Variants in PHF24 observed in about 807,000 individuals in gnomAD.
PHF24 encodes the protein PHD finger protein 24, also known as Galpha inhibitory interacting protein.
PHF24 carries 25 observed loss-of-function variants against 42.6 expected under a neutral mutation model. That is an observed-to-expected ratio of 0.59 (90% confidence interval 0.43 to 0.82). The LOEUF is 0.82. PHF24 is among the 40% of genes least tolerant of loss of function. The pLI, the probability that PHF24 is intolerant of heterozygous loss-of-function variation, is 0.00. For synonymous variants in PHF24, 185 were observed against 204.8 expected (o/e 0.90, Z 0.83); for missense variants, 470 against 538.1 (o/e 0.87, Z 1.25).
the PHF24 span, among the ~76,000 whole-genome samples, chr9:34,754,408 C>G: frequency 2.0e-5 from 3 of 152,040 alleles, no homozygotes; most frequent in African/African-American, 7.2e-5. Flanking sequence ...CAATGGCAAA[C>G]AGGTCTAAGA....
chr9:34,722,562 A>T, the PHF24 span, among the ~76,000 whole-genome samples: 1 of 152,210 alleles, frequency 6.6e-6, no homozygotes, highest in South Asian at 2.1e-4. Context: ...GGCCTGTGTC[A>T]TGTTCATTGA....
the PHF24 span, among the ~76,000 whole-genome samples, chr9:34,696,879 A>G: frequency 6.6e-6 from 1 of 152,148 alleles, no homozygotes; most frequent in Non-Finnish European, 1.5e-5. Flanking sequence ...ACCCACCCTG[A>G]CCAGCCCTCA....
At chr9:34,743,250 T>C in the PHF24 span, among the ~76,000 whole-genome samples, 13 of 152,236 alleles carry the variant, frequency 8.5e-5, no homozygotes, top group African/African-American at 2.4e-4. Context: ...CTACCTGATA[T>C]GTGGTGTTAC....
At chr9:34,791,528 T>G in the PHF24 span, among the ~76,000 whole-genome samples, 26 of 150,384 alleles carry the variant, frequency 1.7e-4, no homozygotes, top group Non-Finnish European at 2.8e-4. Flanking sequence ...CAGAATATAA[T>G]AGTATTGAAA....
chr9:34,833,366 G>T, the PHF24 span: 22 of 1,550,808 alleles, frequency 1.4e-5, no homozygotes, highest in Middle Eastern at 1.7e-4. Flanking sequence ...TTTGGAATTG[G>T]ATTGCTTTTG....
the PHF24 span, among the ~76,000 whole-genome samples, chr9:34,879,102 G>T: frequency 1.3e-5 from 2 of 152,202 alleles, no homozygotes; most frequent in African/African-American, 4.8e-5. Context: ...ACAGGGTCTG[G>T]AGTGGACCTC....
chr9:34,921,513 C>T, the PHF24 span, among the ~76,000 whole-genome samples: 3 of 152,164 alleles, frequency 2.0e-5, no homozygotes, highest in African/African-American at 7.2e-5. Flanking sequence ...TTGCCTAAGA[C>T]ATTTAAATAC....
the PHF24 span, among the ~76,000 whole-genome samples, chr9:34,760,101 G>A: frequency 1.3e-5 from 2 of 152,158 alleles, no homozygotes; most frequent in African/African-American, 4.8e-5. Context: ...AGCAAACGAC[G>A]GGGATGAAGT....
At chr9:34,797,825 G>A in the PHF24 span, among the ~76,000 whole-genome samples, 6 of 152,022 alleles carry the variant, frequency 3.9e-5, no homozygotes, top group Non-Finnish European at 8.8e-5. Flanking sequence ...CTTCACTTAG[G>A]TCCGTGGGGG....
chr9:34,738,538 G>T, the PHF24 span, among the ~76,000 whole-genome samples: 4 of 151,768 alleles, frequency 2.6e-5, no homozygotes, highest in African/African-American at 4.8e-5. Context: ...AGTAGAGATG[G>T]GGTTTCACTG....
the PHF24 span, among the ~76,000 whole-genome samples, chr9:34,855,677 C>T: frequency 1.3e-5 from 2 of 152,142 alleles, no homozygotes; most frequent in Non-Finnish European, 2.9e-5. Flanking sequence ...TTGTAGATGA[C>T]CTGGCCTTTC....
chr9:34,917,999 G>T, the PHF24 span: 1 of 1,350,182 alleles, frequency 7.4e-7, no homozygotes, highest in South Asian at 1.2e-5. Context: ...AGGCCATCAA[G>T]AAATTAAGCA....
the PHF24 span, among the ~76,000 whole-genome samples, chr9:34,810,092 C>T: frequency 6.6e-6 from 1 of 152,056 alleles, no homozygotes; most frequent in East Asian, 1.9e-4. Flanking sequence ...CCCAGCAAGC[C>T]GGCCCTCGAG....
At chr9:34,754,320 C>G in the PHF24 span, among the ~76,000 whole-genome samples, 2 of 152,002 alleles carry the variant, frequency 1.3e-5, no homozygotes, top group African/African-American at 4.8e-5. Context: ...TAGGAGCACT[C>G]TATAGGAAAC....
At chr9:34,932,393 G>A in the PHF24 span, among the ~76,000 whole-genome samples, 3 of 152,190 alleles carry the variant, frequency 2.0e-5, no homozygotes, top group Admixed American at 6.5e-5. Flanking sequence ...GGGCAGACTC[G>A]CAGTAGCTGT....
the PHF24 span, among the ~76,000 whole-genome samples, chr9:34,826,922 G>A: frequency 6.6e-6 from 1 of 152,198 alleles, no homozygotes; most frequent in South Asian, 2.1e-4. Context: ...ATTTATGCAG[G>A]GATTATGGGA....
the PHF24 span, among the ~76,000 whole-genome samples, chr9:34,934,101 G>C: frequency 1.2e-4 from 19 of 152,206 alleles, 1 homozygote; most frequent in Middle Eastern, 6.8e-3. Context: ...TAAAATTATT[G>C]AGTAAGACAA....
the PHF24 span, among the ~76,000 whole-genome samples, chr9:34,777,297 G>A: frequency 6.6e-6 from 1 of 152,166 alleles, no homozygotes; most frequent in African/African-American, 2.4e-5. Context: ...GATGGCAGTG[G>A]TGGGATGACT....
chr9:34,949,766 G>T, the PHF24 span, among the ~76,000 whole-genome samples: 6 of 151,664 alleles, frequency 4.0e-5, no homozygotes, highest in Non-Finnish European at 5.9e-5. Context: ...ACCAAACACC[G>T]CATGTTCTCA....
Sources: allele counts gnomAD v4.1 joint callset (sites outside exome capture counted in the v4.1 genomes callset), GRCh38; gene constraint gnomAD v4.1.1; transcripts MANE v1.5; gene names NCBI Gene and HGNC (gene_info 2026-07-23, HGNC 2026-07-21).